YES1: variants seen among roughly 807,000 people sequenced by gnomAD.
The protein encoded by YES1 is YES proto-oncogene 1, Src family tyrosine kinase, also known as tyrosine-protein kinase Yes.
Under a neutral mutation model 70.4 loss-of-function variants are expected in YES1, and 39 were observed. The ratio of observed to expected loss-of-function variants is 0.55; its 90% CI spans 0.43 to 0.72. The LOEUF (loss-of-function observed/expected upper bound fraction) is 0.72. YES1 is among the 30% of genes least tolerant of loss of function. The probability of loss-of-function intolerance (pLI) is 0.00; values close to 1 mark genes in which losing one functional copy is unlikely to be tolerated. For synonymous variants in YES1, 198 were observed against 218.6 expected, an observed-to-expected ratio of 0.91 and a Z score of 0.83; for missense variants, 495 against 644.8, an observed-to-expected ratio of 0.77 and a Z score of 2.52.
intron 4 of YES1, among the ~76,000 whole-genome samples, chr18:746,381 T>C (rs902022358): frequency 4.6e-5 from 7 of 152,154 alleles, no homozygotes; most frequent in African/African-American, 1.7e-4. Flanking sequence ...ATTAAGACTA[T>C]GACAGGAAGA....
intron 11 of YES1, among the ~76,000 whole-genome samples, chr18:730,329 A>G (rs4369751): frequency 0.59 from 88,562 of 150,550 alleles, 26,350 homozygotes; most frequent in East Asian, 0.71. Flanking sequence ...AGAACTGACC[A>G]AGGACCCAAG....
At chr18:786,009 A>G (rs147519418) in intron 1 of YES1, among the ~76,000 whole-genome samples, 234 of 152,316 alleles carry the variant, frequency 1.5e-3, no homozygotes, top group African/African-American at 5.3e-3. Flanking sequence ...GAGATAACAC[A>G]GCAAGAAGAA....
At chr18:739,663 A>T in intron 9 of YES1, 72 bp downstream of exon 9, 1 of 1,227,444 alleles carries the variant, frequency 8.1e-7, no homozygotes, top group Non-Finnish European at 1.2e-6. Context: ...ATACTATAAT[A>T]TTCTGGTAAG....
At chr18:799,367 A>T (rs555733351) in intron 1 of YES1, among the ~76,000 whole-genome samples, 2 of 152,212 alleles carry the variant, frequency 1.3e-5, no homozygotes, top group African/African-American at 2.4e-5. Flanking sequence ...TGACTTGCTT[A>T]TATCAATGTA....
chr18:770,938 T>C (rs1462612859), intron 1 of YES1, among the ~76,000 whole-genome samples: 2 of 150,870 alleles, frequency 1.3e-5, no homozygotes, highest in East Asian at 3.9e-4. Flanking sequence ...TTGAGGGCAG[T>C]GACTGTTAGG....
rs538478864 is a variant in YES1, at chr18:764,858, G to A, written c.-8-8023C>T. On this transcript the variant is annotated intron_variant, in intron 1 of 11. Transcript: ENST00000314574. ...TGCGATTCTCCTGCCTCAGCCTCCC[G>A]AGTAGCTGGGATTACAGGTGCACAC... 7.9e-5 allele frequency among the ~76,000 whole-genome samples: 12 copies of A among 151,126 alleles called. No individual in the cohort carries two copies. In the East Asian group the frequency reaches 1.2e-3, roughly 15 times the overall value.
chr18:770,229 A>C (rs1598922283), intron 1 of YES1, among the ~76,000 whole-genome samples: 1 of 148,784 alleles, frequency 6.7e-6, no homozygotes, highest in Non-Finnish European at 1.5e-5. Context: ...AAGTGCTGGG[A>C]TTACAGGTGC....
At chr18:725,663 T>C (rs1003493179) in intron 11 of YES1, among the ~76,000 whole-genome samples, 1 of 151,512 alleles carries the variant, frequency 6.6e-6, no homozygotes, top group African/African-American at 2.4e-5. Context: ...CCAAGGCGGG[T>C]GATCATCTGA....
At chr18:790,833 T>A (rs1906207974) in intron 1 of YES1, among the ~76,000 whole-genome samples, 1 of 152,246 alleles carries the variant, frequency 6.6e-6, no homozygotes, top group Non-Finnish European at 1.5e-5. Context: ...TATTACAGGA[T>A]GCTTTCTTGG....
intron 11 of YES1, among the ~76,000 whole-genome samples, chr18:732,454 A>C (rs987559043): frequency 2.7e-5 from 4 of 146,578 alleles, no homozygotes; most frequent in Non-Finnish European, 4.5e-5. Flanking sequence ...AAAAAAAAAA[A>C]AAACAAAACA....
intron 1 of YES1, among the ~76,000 whole-genome samples, chr18:764,791 G>A (rs1454739741): frequency 6.6e-6 from 1 of 151,824 alleles, no homozygotes; most frequent in African/African-American, 2.4e-5. Flanking sequence ...GGAGTGCAGT[G>A]GCGCGATCTC....
chr18:808,592 T>A (rs1907216981), intron 1 of YES1, among the ~76,000 whole-genome samples: 1 of 152,166 alleles, frequency 6.6e-6, no homozygotes, highest in Non-Finnish European at 1.5e-5. Context: ...CAATGGAAGA[T>A]CTTACTAAAA....
chr18:795,091 A>G (rs763774120), intron 1 of YES1, among the ~76,000 whole-genome samples: 7 of 152,144 alleles, frequency 4.6e-5, no homozygotes, highest in Non-Finnish European at 1.0e-4. Flanking sequence ...CTATTTCCAA[A>G]TAAGGCCACA....
chr18:730,658 G>C (rs2080077157), intron 11 of YES1, among the ~76,000 whole-genome samples: 1 of 152,034 alleles, frequency 6.6e-6, no homozygotes, highest in Admixed American at 6.6e-5. Flanking sequence ...TGCTATTTTA[G>C]AAAATGCCTT....
At chr18:773,248 A>T (rs1905233492) in intron 1 of YES1, among the ~76,000 whole-genome samples, 1 of 152,210 alleles carries the variant, frequency 6.6e-6, no homozygotes, top group African/African-American at 2.4e-5. Flanking sequence ...CAGCTCTACT[A>T]AGTCACCTGC....
intron 1 of YES1, among the ~76,000 whole-genome samples, chr18:761,627 G>A (rs1207844948): frequency 6.6e-6 from 1 of 151,948 alleles, no homozygotes; most frequent in Non-Finnish European, 1.5e-5. Context: ...CCATTACTAT[G>A]CTTAACCTGT....
At chr18:809,633 G>T (rs1199626212) in intron 1 of YES1, among the ~76,000 whole-genome samples, 1 of 152,058 alleles carries the variant, frequency 6.6e-6, no homozygotes, top group Non-Finnish European at 1.5e-5. Context: ...CATACAGCTG[G>T]TATATGACAA....
chr18:806,549 C>G (rs1907108045), intron 1 of YES1, among the ~76,000 whole-genome samples: 1 of 152,186 alleles, frequency 6.6e-6, no homozygotes, highest in African/African-American at 2.4e-5. Flanking sequence ...TGCCCAGAAC[C>G]ACATCCCTAC....
rs766635490 is a variant in YES1, at chr18:742,887, C to T, written c.1060+31G>A. On this transcript the variant is annotated intron_variant, in intron 8 of 11. Coordinates refer to ENST00000314574, the MANE Select transcript of YES1 (RefSeq NM_005433.4). ...TCAAGACTCTTAAAAACATTATCAACACAAATACCTAAGGAGATACTAATA... is the reference window on the plus strand; with the variant it reads ...TCAAGACTCTTAAAAACATTATCAATACAAATACCTAAGGAGATACTAATA... The T allele has an allele frequency of 2.4e-5, 36 of 1,508,748 alleles. No homozygotes were observed. In the Admixed American group the frequency reaches 8.4e-4, roughly 35 times the overall value. The allele number at this position is 1,508,748 out of a possible 1,614,324, so 93.5% of individuals were successfully genotyped here.
Sources: gnomAD v4.1 joint callset for allele counts (sites outside exome capture counted in the v4.1 genomes callset) on GRCh38, gnomAD v4.1.1 for gene constraint, MANE v1.5 for transcripts, NCBI Gene and HGNC (gene_info 2026-07-23, HGNC 2026-07-21) for gene names.